Variants in ELP4 observed in about 807,000 individuals in gnomAD.
ELP4 encodes the protein elongator complex protein 4.
In ELP4, 51 loss-of-function variants were observed where a neutral mutation model predicts 48.9. The ratio of observed to expected loss-of-function variants is 1.04; its 90% CI spans 0.83 to 1.32. The LOEUF (loss-of-function observed/expected upper bound fraction) is 1.32, where lower values mean the gene tolerates loss of function less well. Ranked by LOEUF, ELP4 falls within the 40% of genes most tolerant of loss-of-function variation. The probability of loss-of-function intolerance (pLI) is 0.00; values close to 1 mark genes in which losing one functional copy is unlikely to be tolerated. For synonymous variants in ELP4, 210 were observed against 189.2 expected, an observed-to-expected ratio of 1.11 and a Z score of -0.90; for missense variants, 519 against 514.6, an observed-to-expected ratio of 1.01 and a Z score of -0.08.
intron 5 of ELP4, among the ~76,000 whole-genome samples, chr11:31,606,472 G>GAT: frequency 6.6e-6 from 1 of 152,006 alleles, no homozygotes; most frequent in Non-Finnish European, 1.5e-5. Flanking sequence ...AACATGTAAA[G>GAT]ATATTTTTAC....
chr11:31,747,791 G>T (rs1947629496), intron 9 of ELP4, among the ~76,000 whole-genome samples: 1 of 152,218 alleles, frequency 6.6e-6, no homozygotes, highest in Admixed American at 6.5e-5. Context: ...TCTCTTTGTA[G>T]TGTGCTCTGT....
chr11:31,719,751 G>T, intron 9 of ELP4: 1 of 313,592 alleles, frequency 3.2e-6, no homozygotes, highest in Admixed American at 4.9e-5. Flanking sequence ...TGATATGCAT[G>T]CTGGAGTGGT....
At position 31,736,202 on chromosome 11, in the gene ELP4, C is replaced by T. The variant is rs1422513703; in HGVS notation, c.1144-47191C>T. ...CTACAACTATCTGATCTTTGACAAA[C>T]CTGAGAAAAACAAAGAATGGGGAAA... On this transcript the variant is annotated intron_variant, in intron 9 of 9. Coordinates refer to ENST00000640961, the MANE Select transcript of ELP4 (RefSeq NM_019040.5). Among the ~76,000 whole-genome samples, 3 of 152,072 alleles carry T rather than the reference C, an allele frequency of 2.0e-5. No homozygotes were observed. In the East Asian group the frequency reaches 5.8e-4, roughly 29 times the overall value.
At chr11:31,624,599 A>G (rs1340834893) in intron 5 of ELP4, among the ~76,000 whole-genome samples, 1 of 151,714 alleles carries the variant, frequency 6.6e-6, no homozygotes, top group Non-Finnish European at 1.5e-5. Context: ...ACTTAACGCT[A>G]CACTAAATTT....
chr11:31,749,856 ATT>A (rs1365172448), intron 9 of ELP4, among the ~76,000 whole-genome samples: 18 of 140,200 alleles, frequency 1.3e-4, no homozygotes, highest in East Asian at 4.1e-4. Flanking sequence ...CCTTTATGAC[ATT>A]TTTTTTTTTT....
At chr11:31,516,312 C>A (rs1956110233) in intron 1 of ELP4, among the ~76,000 whole-genome samples, 1 of 152,092 alleles carries the variant, frequency 6.6e-6, no homozygotes, top group African/African-American at 2.4e-5. Context: ...ATGCTTATAT[C>A]AATTCATCTC....
chr11:31,779,590 C>A, intron 9 of ELP4: 1 of 152,282 alleles, frequency 6.6e-6, no homozygotes, highest in South Asian at 2.1e-4. Context: ...CAGAGCAAAT[C>A]ACTTCTGCTG....
At chr11:31,610,720 T>C (rs1056920304) in intron 5 of ELP4, among the ~76,000 whole-genome samples, 9 of 152,246 alleles carry the variant, frequency 5.9e-5, no homozygotes, top group Non-Finnish European at 7.3e-5. Flanking sequence ...CTTTCTGTCC[T>C]TTAAAGGCCA....
At chr11:31,672,230 C>G (rs892395814) in intron 9 of ELP4, among the ~76,000 whole-genome samples, 5 of 152,164 alleles carry the variant, frequency 3.3e-5, no homozygotes, top group Non-Finnish European at 5.9e-5. Flanking sequence ...TAACTGTACT[C>G]TATACTGAGT....
intron 9 of ELP4, among the ~76,000 whole-genome samples, chr11:31,710,163 C>T (rs181838537): frequency 3.3e-5 from 5 of 152,258 alleles, no homozygotes; most frequent in South Asian, 4.1e-4. Flanking sequence ...TTGTTGAATA[C>T]GTGAATTAGA....
intron 9 of ELP4, chr11:31,763,275 A>G (rs758179923): frequency 1.7e-5 from 11 of 643,492 alleles, no homozygotes; most frequent in Non-Finnish European, 2.4e-5. Context: ...TTTAGGATAG[A>G]TGAGTTCACT....
chr11:31,628,216 C>G (rs927768635), intron 6 of ELP4: 1 of 151,978 alleles, frequency 6.6e-6, no homozygotes, highest in Non-Finnish European at 1.5e-5. Flanking sequence ...TTTATGGGTA[C>G]TGTGTCTTTC....
chr11:31,678,711 G>A (rs2134118812), intron 9 of ELP4, among the ~76,000 whole-genome samples: 1 of 152,144 alleles, frequency 6.6e-6, no homozygotes. Context: ...GAAAGCTACT[G>A]GTATAAACAT....
At chr11:31,742,698 G>A (rs1315181205) in intron 9 of ELP4, among the ~76,000 whole-genome samples, 1 of 152,112 alleles carries the variant, frequency 6.6e-6, no homozygotes, top group African/African-American at 2.4e-5. Flanking sequence ...ACAAACAAAT[G>A]CTGAGAGATT....
intron 3 of ELP4, among the ~76,000 whole-genome samples, chr11:31,584,883 G>A (rs1957448971): frequency 6.6e-6 from 1 of 152,018 alleles, no homozygotes; most frequent in Non-Finnish European, 1.5e-5. Context: ...GAGTAAGTAG[G>A]CAGTTTTTAT....
At chr11:31,595,990 T>A (rs930658093) in intron 4 of ELP4, among the ~76,000 whole-genome samples, 19 of 152,228 alleles carry the variant, frequency 1.2e-4, no homozygotes, top group African/African-American at 4.6e-4. Context: ...AATGCTTTTT[T>A]CACTTTCTTA....
intron 9 of ELP4, among the ~76,000 whole-genome samples, chr11:31,781,096 A>G (rs1015167731): frequency 5.9e-5 from 9 of 152,182 alleles, no homozygotes; most frequent in Admixed American, 5.2e-4. Flanking sequence ...ACTGTATTGT[A>G]AGGAAATGAA....
chr11:31,737,457 TTAAAG>T (rs1484717073), intron 9 of ELP4, among the ~76,000 whole-genome samples: 2 of 151,222 alleles, frequency 1.3e-5, no homozygotes, highest in African/African-American at 4.9e-5. Flanking sequence ...ACCCTAAAAC[TTAAAG>T]TATAATAATA....
chr11:31,727,002 A>G (rs1565128703), intron 9 of ELP4, among the ~76,000 whole-genome samples: 1 of 152,180 alleles, frequency 6.6e-6, no homozygotes, highest in African/African-American at 2.4e-5. Flanking sequence ...AAAATGAAAT[A>G]TATTTTTATA....
Sources: gnomAD v4.1 joint callset for allele counts (sites outside exome capture counted in the v4.1 genomes callset) on GRCh38, gnomAD v4.1.1 for gene constraint, MANE v1.5 for transcripts, NCBI Gene and HGNC (gene_info 2026-07-23, HGNC 2026-07-21) for gene names.